The following SLIT3 variants were observed in gnomAD, a reference collection of about 807,000 sequenced individuals.
The protein encoded by SLIT3 is slit guidance ligand 3, also known as slit homolog 3 protein.
In SLIT3, 68 loss-of-function variants were observed where a neutral mutation model predicts 184.0. The observed-to-expected ratio is 0.37, with a 90% confidence interval of 0.30 to 0.45. The LOEUF (loss-of-function observed/expected upper bound fraction) is 0.45. SLIT3 is among the 20% of genes least tolerant of loss of function. The probability of loss-of-function intolerance (pLI) is 1.00; values close to 1 mark genes in which losing one functional copy is unlikely to be tolerated. For synonymous variants in SLIT3, 831 were observed against 828.6 expected, an observed-to-expected ratio of 1.00 and a Z score of -0.05; for missense variants, 1,707 against 2,026.0, an observed-to-expected ratio of 0.84 and a Z score of 3.02.
chr5:168,716,647 G>T (rs1183085854), intron 23 of SLIT3, among the ~76,000 whole-genome samples: 2 of 152,368 alleles, frequency 1.3e-5, no homozygotes, highest in East Asian at 3.8e-4. Flanking sequence ...GACTGCAGAG[G>T]AGACATTGCA....
intron 23 of SLIT3, among the ~76,000 whole-genome samples, chr5:168,721,344 A>T (rs1762934866): frequency 6.6e-6 from 1 of 152,228 alleles, no homozygotes; most frequent in South Asian, 2.1e-4. Context: ...GCAAGCTGTG[A>T]TATAAGAATA....
chr5:169,284,125 T>C (rs1276134420), intron 1 of SLIT3, among the ~76,000 whole-genome samples: 2 of 152,206 alleles, frequency 1.3e-5, no homozygotes, highest in African/African-American at 4.8e-5. Context: ...GCTAACATGT[T>C]TGCCCACGGC....
intron 5 of SLIT3, among the ~76,000 whole-genome samples, chr5:168,866,900 G>C (rs1397365854): frequency 1.3e-5 from 2 of 152,206 alleles, no homozygotes; most frequent in African/African-American, 4.8e-5. Flanking sequence ...ACTACCTTTA[G>C]TCTCTATGAA....
At chr5:168,869,929 T>TA (rs1759449439) in intron 5 of SLIT3, among the ~76,000 whole-genome samples, 1 of 152,234 alleles carries the variant, frequency 6.6e-6, no homozygotes, top group Non-Finnish European at 1.5e-5. Context: ...TGGCAAATAA[T>TA]AGCTGTCGGT....
chr5:169,280,814 G>A (rs940576916), intron 1 of SLIT3, among the ~76,000 whole-genome samples: 2 of 152,040 alleles, frequency 1.3e-5, no homozygotes, highest in African/African-American at 4.8e-5. Flanking sequence ...TGTGACTTTG[G>A]GCAATAGCTT....
intron 1 of SLIT3, among the ~76,000 whole-genome samples, chr5:169,253,872 G>C (rs1249604760): frequency 3.3e-5 from 5 of 152,078 alleles, no homozygotes; most frequent in Non-Finnish European, 5.9e-5. Context: ...TGGGGCCAAG[G>C]GTACTCCCCC....
chr5:168,925,832 G>A (rs1035886980), intron 4 of SLIT3, among the ~76,000 whole-genome samples: 18 of 152,156 alleles, frequency 1.2e-4, no homozygotes, highest in Admixed American at 7.2e-4. Flanking sequence ...AGTAACAAGT[G>A]AGGTATTAGT....
chr5:168,880,779 A>G (rs914091133), intron 5 of SLIT3, among the ~76,000 whole-genome samples: 3 of 152,228 alleles, frequency 2.0e-5, no homozygotes, highest in Admixed American at 2.0e-4. Context: ...TCAGACCGCC[A>G]AAACCATGCT....
intron 5 of SLIT3, among the ~76,000 whole-genome samples, chr5:168,848,579 A>G (rs919009399): frequency 1.6e-4 from 25 of 152,198 alleles, no homozygotes; most frequent in African/African-American, 5.8e-4. Flanking sequence ...ATATTAAATT[A>G]ACTGCTCTAA....
intron 16 of SLIT3, among the ~76,000 whole-genome samples, chr5:168,757,159 C>A (rs1754975829): frequency 6.6e-6 from 1 of 152,162 alleles, no homozygotes; most frequent in African/African-American, 2.4e-5. Context: ...AGAGCAGTAT[C>A]TTGCCCCAGA....
At chr5:168,860,343 T>A (rs1379341122) in intron 5 of SLIT3, among the ~76,000 whole-genome samples, 1 of 152,110 alleles carries the variant, frequency 6.6e-6, no homozygotes, top group Non-Finnish European at 1.5e-5. Context: ...TTAAATTGTA[T>A]CTTTAAGTCT....
chr5:168,688,187 C>T (rs988036659), intron 29 of SLIT3, among the ~76,000 whole-genome samples: 2 of 152,240 alleles, frequency 1.3e-5, no homozygotes, highest in East Asian at 1.9e-4. Context: ...CTTACTGGCG[C>T]TTCTGCCTTC....
chr5:169,217,639 A>G (rs1321891616), intron 3 of SLIT3, among the ~76,000 whole-genome samples: 1 of 152,148 alleles, frequency 6.6e-6, no homozygotes, highest in Non-Finnish European at 1.5e-5. Flanking sequence ...TGGGTTCTTT[A>G]CTGCACGCTC....
At chr5:168,693,614 TA>T (rs1338304216) in intron 28 of SLIT3, among the ~76,000 whole-genome samples, 1 of 152,140 alleles carries the variant, frequency 6.6e-6, no homozygotes, top group Non-Finnish European at 1.5e-5. Flanking sequence ...GAGAGTGATC[TA>T]AGAGAGGGAA....
intron 4 of SLIT3, among the ~76,000 whole-genome samples, chr5:168,976,611 A>C (rs1754771849): frequency 6.6e-6 from 1 of 152,246 alleles, no homozygotes; most frequent in Non-Finnish European, 1.5e-5. Context: ...CAGGAATTAA[A>C]TGAATCATCT....
intron 1 of SLIT3, among the ~76,000 whole-genome samples, chr5:169,252,817 A>G (rs2113597140): frequency 6.6e-6 from 1 of 152,314 alleles, no homozygotes; most frequent in Non-Finnish European, 1.5e-5. Context: ...AGTTGCATAA[A>G]ATGAACAGGA....
intron 4 of SLIT3, among the ~76,000 whole-genome samples, chr5:168,931,896 C>A (rs1581221630): frequency 6.6e-6 from 1 of 152,044 alleles, no homozygotes; most frequent in East Asian, 1.9e-4. Context: ...TGTCACGTAC[C>A]CAAGAGCTGA....
At chr5:168,910,947 C>A (rs1481487997) in intron 4 of SLIT3, among the ~76,000 whole-genome samples, 2 of 152,086 alleles carry the variant, frequency 1.3e-5, no homozygotes, top group African/African-American at 2.4e-5. Context: ...AGCCCTCATG[C>A]CTTTTTGTAA....
chr5:168,885,329 G>A (rs1760151595), intron 4 of SLIT3, among the ~76,000 whole-genome samples: 1 of 152,162 alleles, frequency 6.6e-6, no homozygotes, highest in Admixed American at 6.5e-5. Flanking sequence ...TGCACAATGA[G>A]CGCTGTCTCA....
Sources: gnomAD v4.1 joint callset for allele counts (sites outside exome capture counted in the v4.1 genomes callset) on GRCh38, gnomAD v4.1.1 for gene constraint, MANE v1.5 for transcripts, NCBI Gene and HGNC (gene_info 2026-07-23, HGNC 2026-07-21) for gene names.